CCSER1: variants seen among roughly 807,000 people sequenced by gnomAD.
CCSER1 encodes the protein coiled-coil serine rich protein 1.
A neutral mutation model predicts 82.0 loss-of-function variants in CCSER1; 41 were observed. That is an observed-to-expected ratio of 0.50 (90% confidence interval 0.39 to 0.65). The LOEUF (loss-of-function observed/expected upper bound fraction) is 0.65. CCSER1 is among the 30% of genes least tolerant of loss of function. The pLI, the probability that CCSER1 is intolerant of heterozygous loss-of-function variation, is 0.00. For synonymous variants in CCSER1, 414 were observed against 383.9 expected (o/e 1.08, Z -0.92); for missense variants, 1,119 against 1,064.2 (o/e 1.05, Z -0.72).
intron 10 of CCSER1, among the ~76,000 whole-genome samples, chr4:91,159,452 A>G (rs1731155903): frequency 6.6e-6 from 1 of 151,972 alleles, no homozygotes; most frequent in Non-Finnish European, 1.5e-5. Flanking sequence ...TATTAAAAAC[A>G]AGATGGCATT....
At chr4:91,109,210 C>A (rs1022906460) in intron 10 of CCSER1, among the ~76,000 whole-genome samples, 1 of 152,106 alleles carries the variant, frequency 6.6e-6, no homozygotes, top group African/African-American at 2.4e-5. Flanking sequence ...CCTTATTCTC[C>A]AGGTCACAGA....
rs561284289 is a variant in CCSER1, at chr4:90,428,346, C to T, written c.1603+28217C>T. On this transcript the variant is annotated intron_variant, in intron 4 of 10. Coordinates refer to ENST00000509176, the MANE Select transcript of CCSER1 (RefSeq NM_001145065.2). ...TGTAGGAAAATACATACAGTTAGAC[C>T]TTGAACTACTCAGGGTTGCCAAACC... Among the ~76,000 whole-genome samples, 8 of 151,816 alleles carry T rather than the reference C, an allele frequency of 5.3e-5. No homozygotes were observed. In the South Asian group the frequency reaches 1.7e-3, roughly 32 times the overall value.
intron 8 of CCSER1, among the ~76,000 whole-genome samples, chr4:90,862,658 G>A (rs2149992917): frequency 6.6e-6 from 1 of 151,994 alleles, no homozygotes; most frequent in South Asian, 2.1e-4. Flanking sequence ...TGTAACAGAG[G>A]ACACAAAAGC....
chr4:91,223,078 C>CA (rs1737879132), intron 10 of CCSER1, among the ~76,000 whole-genome samples: 1 of 151,234 alleles, frequency 6.6e-6, no homozygotes, highest in Admixed American at 6.6e-5. Context: ...ATTGAATACT[C>CA]AAAAAAATGG....
intron 5 of CCSER1, among the ~76,000 whole-genome samples, chr4:90,511,692 C>T (rs945383897): frequency 6.6e-6 from 1 of 152,086 alleles, no homozygotes; most frequent in Non-Finnish European, 1.5e-5. Context: ...AAGATTTATA[C>T]AATCTGAGGA....
intron 4 of CCSER1, among the ~76,000 whole-genome samples, chr4:90,402,514 C>G (rs1293226027): frequency 1.3e-5 from 2 of 152,044 alleles, no homozygotes; most frequent in African/African-American, 2.4e-5. Flanking sequence ...ACAAAGTAGA[C>G]AAATTCTTAA....
At chr4:90,914,787 AAG>A (rs1341670769) in intron 8 of CCSER1, among the ~76,000 whole-genome samples, 1 of 152,126 alleles carries the variant, frequency 6.6e-6, no homozygotes, top group Non-Finnish European at 1.5e-5. Flanking sequence ...TAAAGAAGAA[AAG>A]AGAGAAGATT....
At position 90,575,919 on chromosome 4, in the gene CCSER1, A is replaced by G. The variant is rs370938980; in HGVS notation, c.1725-52106A>G. On this transcript the variant is annotated intron_variant, in intron 5 of 10. Transcript: ENST00000509176. ...ATTCTCTGGAGGCTCTGCTGTGAGT[A>G]TATTTGCTTTAAGCATATCTGGATT... Among the ~76,000 whole-genome samples the G allele has an allele frequency of 3.3e-5, 5 of 152,108 alleles. No individual in the cohort carries two copies. In the East Asian group the frequency reaches 7.7e-4, roughly 23 times the overall value.
intron 1 of CCSER1, among the ~76,000 whole-genome samples, chr4:90,261,392 C>A (rs1189723834): frequency 6.6e-6 from 1 of 152,136 alleles, no homozygotes; most frequent in Non-Finnish European, 1.5e-5. Flanking sequence ...TCTTGGCTGA[C>A]AATTGTTCTG....
At chr4:91,536,370 T>C (rs1233615032) in intron 10 of CCSER1, among the ~76,000 whole-genome samples, 1 of 152,060 alleles carries the variant, frequency 6.6e-6, no homozygotes, top group East Asian at 1.9e-4. Context: ...CATTCACCAG[T>C]ACATGATAGA....
chr4:90,758,339 TTGA>T (rs149573211), intron 7 of CCSER1, among the ~76,000 whole-genome samples: 8,485 of 151,888 alleles, frequency 0.056, 564 homozygotes, highest in African/African-American at 0.16. Flanking sequence ...TCTTTTATCT[TTGA>T]TATTGCTAAT....
At position 90,698,721 on chromosome 4, in the gene CCSER1, G is replaced by A. The variant is rs151269005; in HGVS notation, c.1933-25193G>A. ...CTTGTTAGAGGCTTGTGAATTAACC[G>A]ACAATAGACAGGTTAATAGGAGGAA... On this transcript the variant is annotated intron_variant, in intron 6 of 10. Coordinates refer to ENST00000509176, the MANE Select transcript of CCSER1 (RefSeq NM_001145065.2). Among the ~76,000 whole-genome samples the A allele has an allele frequency of 4.2e-3, 636 of 152,180 alleles. 7 individuals carry two copies. Among genetic ancestry groups the A allele is most frequent in the African/African-American group, 0.014 (585 of 41,520 alleles).
At chr4:91,394,862 T>G (rs1005012094) in intron 10 of CCSER1, among the ~76,000 whole-genome samples, 8 of 151,754 alleles carry the variant, frequency 5.3e-5, no homozygotes, top group Non-Finnish European at 1.0e-4. Flanking sequence ...GTTTTTTTTT[T>G]GAAAATTAAA....
intron 10 of CCSER1, among the ~76,000 whole-genome samples, chr4:91,543,563 C>CTTAA (rs1560751236): frequency 6.6e-6 from 1 of 152,046 alleles, no homozygotes; most frequent in Non-Finnish European, 1.5e-5. Flanking sequence ...CCTTATGAAG[C>CTTAA]TTAATTTGGC....
At chr4:90,475,450 C>T (rs1272414178) in intron 5 of CCSER1, among the ~76,000 whole-genome samples, 1 of 152,192 alleles carries the variant, frequency 6.6e-6, no homozygotes, top group Non-Finnish European at 1.5e-5. Context: ...GTCTCTTCCA[C>T]AGCTTTTGGA....
intron 10 of CCSER1, among the ~76,000 whole-genome samples, chr4:91,596,982 T>C (rs1490227841): frequency 3.3e-5 from 5 of 152,060 alleles, no homozygotes; most frequent in South Asian, 2.1e-4. Flanking sequence ...AGTGGGTCTT[T>C]GTTTTGTAGA....
chr4:90,153,938 A>T (rs529911243), intron 1 of CCSER1, among the ~76,000 whole-genome samples: 1 of 152,168 alleles, frequency 6.6e-6, no homozygotes, highest in Middle Eastern at 3.2e-3. Context: ...TGTTTTAGAC[A>T]TGAAGTCCTT....
intron 3 of CCSER1, among the ~76,000 whole-genome samples, chr4:90,349,190 G>T (rs895921767): frequency 6.6e-6 from 1 of 151,936 alleles, no homozygotes; most frequent in Admixed American, 6.6e-5. Flanking sequence ...CTAGTTTTAG[G>T]TTATCACTTA....
intron 4 of CCSER1, among the ~76,000 whole-genome samples, chr4:90,432,676 A>G (rs1560509560): frequency 6.6e-6 from 1 of 151,764 alleles, no homozygotes; most frequent in Non-Finnish European, 1.5e-5. Context: ...GCTGGCCTGA[A>G]AATCCCACAA....
Sources: allele counts gnomAD v4.1 joint callset (sites outside exome capture counted in the v4.1 genomes callset), GRCh38; gene constraint gnomAD v4.1.1; transcripts MANE v1.5; gene names NCBI Gene and HGNC (gene_info 2026-07-23, HGNC 2026-07-21).